The following FRYL variants were observed in gnomAD, a reference collection of about 807,000 sequenced individuals.
FRYL encodes the protein protein furry homolog-like.
A neutral mutation model predicts 351.2 loss-of-function variants in FRYL; 150 were observed. The ratio of observed to expected loss-of-function variants is 0.43; its 90% CI spans 0.37 to 0.49. FRYL has a LOEUF of 0.49. Among genes scored for constraint, FRYL ranks in the 20% least tolerant of loss-of-function variants. The pLI is 0.00. For missense variants in FRYL, 3,036 were observed against 3,619.3 expected (o/e 0.84, Z 4.13); for synonymous variants, 1,153 against 1,257.1 (o/e 0.92, Z 1.75).
rs537429018 is a variant in FRYL at position 48,640,154 on chromosome 4, T to C, written c.-80-5664A>G. On this transcript the variant is annotated intron_variant, in intron 3 of 63. Transcript: ENST00000358350. Reference sequence around the variant, plus strand: ...CCACATGATCAGGAAACATGCTCCCTGGTATTTACCCACAGGAGCTGAAGA... The same window carrying C: ...CCACATGATCAGGAAACATGCTCCCCGGTATTTACCCACAGGAGCTGAAGA... Among the ~76,000 whole-genome samples, 233 of 152,264 alleles carry C rather than the reference T, an allele frequency of 1.5e-3. 2 individuals carry two copies. The highest frequency in any genetic ancestry group is 5.5e-3 in the African/African-American group (227 of 41,570).
At position 48,671,858 on chromosome 4, in the gene FRYL, C is replaced by CAAAAAAAAAAAA. The variant is rs1226492542; in HGVS notation, c.-81+12803_-81+12814dup. On this transcript the variant is annotated intron_variant, in intron 3 of 63. Transcript: ENST00000358350. ...AGAGAGAGAGACTCCGTCTCAAAAA[C>CAAAAAAAAAAAA]AAAAAAAAAAAAAACAAAAAAAAAA... 6.7e-4 allele frequency among the ~76,000 whole-genome samples: 15 copies of CAAAAAAAAAAAA among 22,394 alleles called. 1 individual carries two copies. Among genetic ancestry groups the CAAAAAAAAAAAA allele is most frequent in the East Asian group, 1.9e-3 (1 of 516 alleles). 14.7% of individuals were successfully genotyped at this position (22,394 alleles called of 152,430 possible). A position where few individuals can be genotyped will look rare whatever the true frequency, so the allele number is the denominator to read the frequency against.
intron 2 of FRYL, among the ~76,000 whole-genome samples, chr4:48,704,949 CA>C (rs780894705): frequency 0.042 from 2,119 of 50,722 alleles, 14 homozygotes; most frequent in Non-Finnish European, 0.061. Context: ...GACTCCGTCT[CA>C]AAAAAAAAAA....
chr4:48,678,563 C>T (rs149763938), intron 3 of FRYL, among the ~76,000 whole-genome samples: 1 of 138,110 alleles, frequency 7.2e-6, no homozygotes, highest in African/African-American at 2.7e-5. Context: ...AGTACAAGTA[C>T]ATTGGAAGAG....
intron 2 of FRYL, among the ~76,000 whole-genome samples, chr4:48,689,820 G>T (rs1273864437): frequency 1.3e-5 from 2 of 151,794 alleles, no homozygotes; most frequent in African/African-American, 4.8e-5. Flanking sequence ...TGGATTAAGA[G>T]CCTCTGATAA....
intron 59 of FRYL, among the ~76,000 whole-genome samples, chr4:48,507,958 T>C (rs1272828056): frequency 6.6e-6 from 1 of 152,162 alleles, no homozygotes; most frequent in African/African-American, 2.4e-5. Context: ...TCAATTCACC[T>C]GTGAGCCTTA....
intron 37 of FRYL, 46 bp from the exon 38 acceptor site, chr4:48,550,750 G>T: frequency 8.0e-7 from 1 of 1,246,656 alleles, no homozygotes; most frequent in Non-Finnish European, 1.2e-6. Flanking sequence ...CGGTGCAATG[G>T]TATTTATACT....
intron 3 of FRYL, among the ~76,000 whole-genome samples, chr4:48,651,166 C>G (rs1757552897): frequency 6.6e-6 from 1 of 150,806 alleles, no homozygotes; most frequent in Non-Finnish European, 1.5e-5. Flanking sequence ...TGGGCTCAAG[C>G]AATCCTCTCA....
At chr4:48,770,535 T>C (rs995205599) in intron 1 of FRYL, among the ~76,000 whole-genome samples, 4 of 152,120 alleles carry the variant, frequency 2.6e-5, no homozygotes, top group African/African-American at 9.7e-5. Flanking sequence ...CCTCCCGGAT[T>C]CAAGTGATTC....
chr4:48,551,260 T>C (rs1732685687), intron 37 of FRYL, among the ~76,000 whole-genome samples: 1 of 152,150 alleles, frequency 6.6e-6, no homozygotes, highest in Non-Finnish European at 1.5e-5. Context: ...ATACAAAAAG[T>C]GACTTACCAT....
intron 59 of FRYL, among the ~76,000 whole-genome samples, chr4:48,507,703 A>AAGAT (rs10625965): frequency 0.94 from 142,847 of 151,722 alleles, 67,276 homozygotes; most frequent in South Asian, 0.97. Context: ...ACAGTTTTCA[A>AAGAT]AGATAGATAG....
chr4:48,552,336 T>A (rs892773272), intron 36 of FRYL, among the ~76,000 whole-genome samples: 1 of 151,884 alleles, frequency 6.6e-6, no homozygotes, highest in Non-Finnish European at 1.5e-5. Context: ...CTCTAGGGAA[T>A]CTGATAAATC....
chr4:48,574,636 G>A (rs1223226723), intron 25 of FRYL: 1 of 152,030 alleles, frequency 6.6e-6, no homozygotes, highest in Non-Finnish European at 1.5e-5. Flanking sequence ...CAGGAGACAA[G>A]GCAGAACTTC....
chr4:48,756,072 A>C (rs1773742077), intron 1 of FRYL, among the ~76,000 whole-genome samples: 1 of 151,922 alleles, frequency 6.6e-6, no homozygotes, highest in African/African-American at 2.4e-5. Context: ...CATCTCTATA[A>C]AAAATGAAAA....
At chr4:48,561,433 C>A in intron 33 of FRYL, 35 bp downstream of exon 33, 1 of 1,344,076 alleles carries the variant, frequency 7.4e-7, no homozygotes. Context: ...AAATGATTGA[C>A]AAATAGAAAC....
intron 1 of FRYL, among the ~76,000 whole-genome samples, chr4:48,721,352 AG>A (rs1769448245): frequency 6.6e-6 from 1 of 151,286 alleles, no homozygotes. Context: ...CACTATATGT[AG>A]ATTTTTTTTT....
At chr4:48,777,051 AC>A (rs1399735947) in intron 1 of FRYL, among the ~76,000 whole-genome samples, 1 of 152,154 alleles carries the variant, frequency 6.6e-6, no homozygotes, top group Non-Finnish European at 1.5e-5. Context: ...TAAAAAAAAA[AC>A]AAAAACTATT....
Position 48,680,830 on chromosome 4 carries a change from T to G in FRYL, c.-81+3843A>C, listed in dbSNP as rs370843828. 1.1e-5 allele frequency: 4 copies of G among 352,650 alleles called. No homozygotes were observed. In the East Asian group the frequency reaches 5.0e-4, roughly 44 times the overall value. The allele number at this position is 352,650 out of a possible 1,614,324, so 21.8% of individuals were successfully genotyped here. A position where few individuals can be genotyped will look rare whatever the true frequency, so the allele number is the denominator to read the frequency against. ...ACATTTTAATATTTAAACTTGATTTTCAAAATATTCCTGCTCACTAGAATT... is the reference window on the plus strand; with the variant it reads ...ACATTTTAATATTTAAACTTGATTTGCAAAATATTCCTGCTCACTAGAATT... On this transcript the variant is annotated intron_variant, in intron 3 of 63. Coordinates refer to ENST00000358350, the MANE Select transcript of FRYL (RefSeq NM_015030.2).
chr4:48,608,574 C>T (rs1428657136), intron 9 of FRYL, among the ~76,000 whole-genome samples: 1 of 152,080 alleles, frequency 6.6e-6, no homozygotes, highest in Non-Finnish European at 1.5e-5. Flanking sequence ...CTTACCAATT[C>T]AAACTCTGTT....
At chr4:48,627,503 G>A (rs2149344769) in intron 4 of FRYL, among the ~76,000 whole-genome samples, 1 of 152,168 alleles carries the variant, frequency 6.6e-6, no homozygotes, top group Middle Eastern at 3.4e-3. Context: ...CTTCCTGAAA[G>A]ATTTCTGAAG....
Sources: gnomAD v4.1 joint callset for allele counts (sites outside exome capture counted in the v4.1 genomes callset) on GRCh38, gnomAD v4.1.1 for gene constraint, MANE v1.5 for transcripts, NCBI Gene and HGNC (gene_info 2026-07-23, HGNC 2026-07-21) for gene names.